Variants in MAD1L1 observed in about 807,000 individuals in gnomAD.
The protein encoded by MAD1L1 is mitotic arrest deficient 1 like 1, also known as mitotic spindle assembly checkpoint protein MAD1.
Under a neutral mutation model 96.9 loss-of-function variants are expected in MAD1L1, and 95 were observed. The observed-to-expected ratio is 0.98, with a 90% CI of 0.83 to 1.16. The LOEUF is 1.16. MAD1L1 is among the 50% of genes most tolerant of loss of function. MAD1L1 has a pLI of 0.00. For missense variants in MAD1L1, 1,007 were observed against 954.4 expected (o/e 1.06, Z -0.73); for synonymous variants, 473 against 396.6 (o/e 1.19, Z -2.29).
At chr7:2,095,143 C>T (rs1479050634) in intron 11 of MAD1L1, among the ~76,000 whole-genome samples, 8 of 152,042 alleles carry the variant, frequency 5.3e-5, no homozygotes, top group Admixed American at 3.9e-4. Context: ...CCGGGGTTCA[C>T]GCCATTCTCC....
At chr7:2,053,564 C>T (rs775041942) in intron 12 of MAD1L1, among the ~76,000 whole-genome samples, 2 of 152,222 alleles carry the variant, frequency 1.3e-5, no homozygotes, top group African/African-American at 4.8e-5. Flanking sequence ...CCCTGGCGGG[C>T]GGCAGGAAAG....
At chr7:1,833,924 G>A (rs1484520061) in intron 18 of MAD1L1, among the ~76,000 whole-genome samples, 1 of 152,230 alleles carries the variant, frequency 6.6e-6, no homozygotes, top group African/African-American at 2.4e-5. Flanking sequence ...TCCAGCCTGG[G>A]TGACAGAATG....
At chr7:2,183,308 G>A (rs1355931192) in intron 10 of MAD1L1, among the ~76,000 whole-genome samples, 1 of 151,928 alleles carries the variant, frequency 6.6e-6, no homozygotes, top group Non-Finnish European at 1.5e-5. Context: ...CACAGACAGG[G>A]CAAAAATGTT....
chr7:1,847,191 G>A, intron 18 of MAD1L1: 1 of 462,292 alleles, frequency 2.2e-6, no homozygotes, highest in Admixed American at 2.4e-5. Context: ...CTGGTCCAGG[G>A]TGTTTGTTTG....
Position 2,215,871 on chromosome 7 carries a change from A to G in MAD1L1, c.924+14T>C. 6.2e-7 allele frequency: 1 copy of G among 1,613,310 alleles called. No individual in the cohort carries two copies. Among genetic ancestry groups the G allele is most frequent in the Non-Finnish European group, 8.5e-7 (1 of 1,179,270 alleles). On this transcript the variant is annotated intron_variant, in intron 9 of 18. Coordinates refer to ENST00000265854, the MANE Select transcript of MAD1L1 (RefSeq NM_001013836.2). ...AGGACACCCACAGGAACCGCACACC[A>G]CACAGGCCCTCACCTCGTTCTCCAG...
intron 16 of MAD1L1, chr7:1,940,114 G>A (rs10950456): frequency 0.57 from 86,168 of 152,276 alleles, 24,802 homozygotes; most frequent in Middle Eastern, 0.67. Flanking sequence ...CGGCCCCATG[G>A]CACGATGGCA....
intron 17 of MAD1L1, among the ~76,000 whole-genome samples, chr7:1,908,547 TAATA>T (rs1417340565): frequency 6.6e-6 from 1 of 152,182 alleles, no homozygotes; most frequent in Non-Finnish European, 1.5e-5. Context: ...CACACTGGGC[TAATA>T]TATATATTTT....
chr7:2,022,402 A>G (rs957630188), intron 12 of MAD1L1, among the ~76,000 whole-genome samples: 12 of 152,180 alleles, frequency 7.9e-5, no homozygotes, highest in Non-Finnish European at 1.8e-4. Context: ...AGGCTGAGGC[A>G]GGTGGATCAC....
At chr7:1,831,768 T>C (rs1242773269) in intron 18 of MAD1L1, among the ~76,000 whole-genome samples, 1 of 152,264 alleles carries the variant, frequency 6.6e-6, no homozygotes, top group Non-Finnish European at 1.5e-5. Flanking sequence ...CTTCTCTGTC[T>C]GTGCTCTATC....
At chr7:2,004,747 T>C (rs1478619994) in intron 13 of MAD1L1, among the ~76,000 whole-genome samples, 1 of 152,224 alleles carries the variant, frequency 6.6e-6, no homozygotes, top group Non-Finnish European at 1.5e-5. Flanking sequence ...CACTGAGTGA[T>C]GTGTGTCTGA....
chr7:2,020,492 G>A (rs1297159874), intron 12 of MAD1L1, among the ~76,000 whole-genome samples: 5 of 152,186 alleles, frequency 3.3e-5, no homozygotes, highest in South Asian at 2.1e-4. Context: ...GCAGGGGGAC[G>A]CCCGGCCCTG....
intron 18 of MAD1L1, among the ~76,000 whole-genome samples, chr7:1,897,186 C>T (rs945296919): frequency 1.3e-5 from 2 of 152,262 alleles, no homozygotes; most frequent in Non-Finnish European, 2.9e-5. Context: ...AGACAGGCAG[C>T]GGCTCACCGC....
At chr7:1,895,739 C>T (rs1363371386) in intron 18 of MAD1L1, among the ~76,000 whole-genome samples, 1 of 152,248 alleles carries the variant, frequency 6.6e-6, no homozygotes, top group South Asian at 2.1e-4. Context: ...ACCGTCTGTC[C>T]TTCCGGAGGC....
intron 17 of MAD1L1, among the ~76,000 whole-genome samples, chr7:1,923,752 G>A (rs1471754649): frequency 6.6e-6 from 1 of 152,268 alleles, no homozygotes; most frequent in Non-Finnish European, 1.5e-5. Flanking sequence ...CACCTGGGAA[G>A]TGCTGGGTGC....
intron 12 of MAD1L1, among the ~76,000 whole-genome samples, chr7:2,026,215 C>T (rs1014125687): frequency 2.6e-5 from 4 of 152,168 alleles, no homozygotes; most frequent in East Asian, 1.9e-4. Flanking sequence ...CAAAACAATC[C>T]GCAGAGATAA....
chr7:2,093,228 CAGAG>C (rs1453633571), intron 11 of MAD1L1, among the ~76,000 whole-genome samples: 1 of 107,078 alleles, frequency 9.3e-6, no homozygotes, highest in African/African-American at 3.9e-5. Flanking sequence ...CTGGGGGACA[CAGAG>C]AGACTCCGTG....
At chr7:1,956,319 G>C (rs1385128933) in intron 16 of MAD1L1, among the ~76,000 whole-genome samples, 1 of 152,098 alleles carries the variant, frequency 6.6e-6, no homozygotes, top group Non-Finnish European at 1.5e-5. Flanking sequence ...ACACTCCACA[G>C]GCCGAACCCC....
At chr7:1,859,773 C>G (rs1241359606) in intron 18 of MAD1L1, among the ~76,000 whole-genome samples, 1 of 151,886 alleles carries the variant, frequency 6.6e-6, no homozygotes, top group Non-Finnish European at 1.5e-5. Flanking sequence ...GACCTGACAT[C>G]CTGCAGGGCG....
At chr7:2,025,005 A>T (rs1370462592) in intron 12 of MAD1L1, among the ~76,000 whole-genome samples, 1 of 152,206 alleles carries the variant, frequency 6.6e-6, no homozygotes, top group Non-Finnish European at 1.5e-5. Context: ...ACACCACACA[A>T]AGAGTAAACT....
Sources: gnomAD v4.1 joint callset for allele counts (sites outside exome capture counted in the v4.1 genomes callset) on GRCh38, gnomAD v4.1.1 for gene constraint, MANE v1.5 for transcripts, NCBI Gene and HGNC (gene_info 2026-07-23, HGNC 2026-07-21) for gene names.